RNF19A: variants seen among roughly 807,000 people sequenced by gnomAD.
RNF19A encodes E3 ubiquitin-protein ligase RNF19A.
RNF19A carries 32 observed loss-of-function variants against 75.7 expected under a neutral mutation model. The observed-to-expected ratio is 0.42, with a 90% CI of 0.32 to 0.57. The LOEUF (loss-of-function observed/expected upper bound fraction) is 0.57, where lower values mean the gene tolerates loss of function less well. Among genes scored for constraint, RNF19A ranks in the 20% least tolerant of loss-of-function variants. RNF19A has a pLI of 0.10. For missense variants in RNF19A, 782 were observed against 1,036.3 expected (o/e 0.75, Z 3.37); for synonymous variants, 335 against 345.2 (o/e 0.97, Z 0.33).
intron 1 of RNF19A, among the ~76,000 whole-genome samples, chr8:100,328,292 T>C (rs889529430): frequency 2.0e-5 from 3 of 152,140 alleles, no homozygotes; most frequent in Admixed American, 2.0e-4. Context: ...CTGAGACTCA[T>C]TGAGTCAAAA....
At chr8:100,267,534 T>A (rs183022236) in intron 5 of RNF19A, among the ~76,000 whole-genome samples, 1 of 152,216 alleles carries the variant, frequency 6.6e-6, no homozygotes, top group Admixed American at 6.5e-5. Flanking sequence ...CATACCCAGA[T>A]AATTTTTAAA....
At position 100,269,400 on chromosome 8, in the gene RNF19A, T is replaced by C. The variant is rs1273595832; in HGVS notation, c.1029-453A>G. Among the ~76,000 whole-genome samples, 2 of 151,816 alleles carry C rather than the reference T, an allele frequency of 1.3e-5. No individual in the cohort carries two copies. The highest frequency in any genetic ancestry group is 2.1e-4 in the South Asian group (1 of 4,810). On this transcript the variant is annotated intron_variant, in intron 4 of 9. Transcript: ENST00000341084. This position sits in a 1 kb window ranked among gnomAD's most constrained non-coding sequence, Gnocchi z 5.7. ...AAGGTAAGAACCACTGTAAATTATATTAACAAGATACTGATAACTGAGATT... is the reference window on the plus strand; with the variant it reads ...AAGGTAAGAACCACTGTAAATTATACTAACAAGATACTGATAACTGAGATT...
intron 5 of RNF19A, among the ~76,000 whole-genome samples, chr8:100,267,828 C>T (rs1055838363): frequency 1.3e-5 from 2 of 151,784 alleles, no homozygotes; most frequent in South Asian, 2.1e-4. Context: ...GCACCTGCCA[C>T]CATGCCTGGC....
chr8:100,326,560 C>T (rs750484656), intron 1 of RNF19A, among the ~76,000 whole-genome samples: 4 of 152,280 alleles, frequency 2.6e-5, no homozygotes, highest in Middle Eastern at 3.4e-3. Flanking sequence ...ACCCCTCCCC[C>T]TTTCCTGCTT....
chr8:100,259,220 A>T lies in RNF19A; in HGVS notation c.1853T>A (p.Val618Glu). ...TTTGGATGGCTTTGACTCAATATCT[A>T]CTTGCACCTCCATACTGTTGCCTTC... ...DKEGNSMEVQ[V>E]DIESKPSKFR... Residue 618 changes from valine (V) to glutamate (E), a missense_variant, in exon 10 of 10, where the codon GTA (valine) becomes GAA (glutamate). Physicochemically the swap from Val to Glu is moderately radical, Grantham distance 121. Coordinates refer to ENST00000341084, the MANE Select transcript of RNF19A (RefSeq NM_183419.4). This position sits in a 1 kb window ranked among gnomAD's most constrained non-coding sequence, Gnocchi z 4.5. The T allele has an allele frequency of 6.2e-7, 1 of 1,612,898 alleles. No individual in the cohort carries two copies.
At chr8:100,277,145 C>G (rs1336815435) in intron 2 of RNF19A, among the ~76,000 whole-genome samples, 1 of 152,270 alleles carries the variant, frequency 6.6e-6, no homozygotes, top group East Asian at 1.9e-4. Context: ...AAATACTAAA[C>G]ATTTCCTTTT....
chr8:100,324,138 A>G lies in RNF19A; in HGVS notation c.-242-10766T>C, dbSNP rs1395315073. Among the ~76,000 whole-genome samples, 1 of 152,216 alleles carries G rather than the reference A, an allele frequency of 6.6e-6. No individual in the cohort carries two copies. The highest frequency in any genetic ancestry group is 2.4e-5 in the African/African-American group (1 of 41,452). On this transcript the variant is annotated intron_variant, in intron 1 of 3. Coordinates refer to the RNF19A transcript ENST00000519527. This position sits in a 1 kb window ranked among gnomAD's most constrained non-coding sequence, Gnocchi z 4.2. Reference sequence around the variant, plus strand: ...ATTCCCACACACTGAAGCTGCTACTATAATTTATTTTTTACAGCGGAGGAA... The same window carrying G: ...ATTCCCACACACTGAAGCTGCTACTGTAATTTATTTTTTACAGCGGAGGAA...
At chr8:100,309,254 G>A (rs989022005) in intron 1 of RNF19A, 2 of 938,034 alleles carry the variant, frequency 2.1e-6, no homozygotes, top group African/African-American at 3.5e-5. Context: ...GGTGTGATGT[G>A]TAATTTTTGC....
Position 100,264,641 on chromosome 8 carries a change from G to A in RNF19A, c.1306+30C>T, listed in dbSNP as rs1204770099. ...AAAACTTTAACTCCATAAAATTGTA[G>A]GTAATTAGTACTTTTCAGCATTTTC... On this transcript the variant is annotated intron_variant, in intron 6 of 9. Transcript: ENST00000341084. The surrounding 1 kb of genome is among the most constrained non-coding windows in gnomAD (Gnocchi z 4.7). 1.0e-5 allele frequency: 14 copies of A among 1,368,492 alleles called. No homozygotes were observed. Among genetic ancestry groups the A allele is most frequent in the Non-Finnish European group, 1.2e-5 (12 of 972,800 alleles). 84.8% of individuals were successfully genotyped at this position (1,368,492 alleles called of 1,614,324 possible). A position where few individuals can be genotyped will look rare whatever the true frequency, so the allele number is the denominator to read the frequency against.
chr8:100,274,976 T>C lies in RNF19A; in HGVS notation c.860A>G (p.Tyr287Cys), dbSNP rs527598535. The C allele has an allele frequency of 6.2e-7, 1 of 1,614,008 alleles. No homozygotes were observed. Among genetic ancestry groups the C allele is most frequent in the South Asian group, 1.1e-5 (1 of 91,056 alleles). The change falls in exon 3 of 10, where the codon TAT (tyrosine) becomes TGT (cysteine). Residue 287 changes from tyrosine (Y) to cysteine (C), a missense_variant. Tyr to Cys is a radical substitution (Grantham distance 194, BLOSUM62 -2). Transcript: ENST00000341084. ...LRTIRSSSIS[Y>C]SQESGAAADD... ...ACCTGCTGCTCCAGACTCTTGACTA[T>C]AACTAATGGATGAAGAACGTATAGT... is the stretch of plus-strand genomic sequence containing the variant.
chr8:100,301,890 G>C (rs1254905022), intron 1 of RNF19A, among the ~76,000 whole-genome samples: 2 of 152,316 alleles, frequency 1.3e-5, no homozygotes, highest in Middle Eastern at 3.4e-3. Flanking sequence ...GCATTTAGCA[G>C]AGACCTGAAG....
At chr8:100,308,139 C>T (rs1238981440) in intron 1 of RNF19A, among the ~76,000 whole-genome samples, 1 of 152,110 alleles carries the variant, frequency 6.6e-6, no homozygotes, top group Non-Finnish European at 1.5e-5. Context: ...CTGGAATCTC[C>T]TGGAAGCTAA....
At position 100,258,726 on chromosome 8, in the gene RNF19A, T is replaced by C. The variant is rs745664613; in HGVS notation, c.2347A>G (p.Thr783Ala). ...TGTGAAACTTCTGAACAGGAAGCAG[T>C]TTGGGTAACCACAGAAATGCTACAC... ...HQCSISVVTQ[T>A]ASCSEVSQLN... The change falls in exon 10 of 10, where the codon ACT becomes GCT. Residue 783 changes from threonine (T) to alanine (A), a missense_variant. By Grantham distance (58) the Thr-to-Ala change is moderately conservative. Around this residue, in one of 7 missense-constraint regions of RNF19A, gnomAD observed 442 missense variants for 541.6 expected, o/e 0.82. Coordinates refer to ENST00000341084, the MANE Select transcript of RNF19A (RefSeq NM_183419.4). The surrounding 1 kb of genome is among the most constrained non-coding windows in gnomAD (Gnocchi z 4.3). 6.2e-7 allele frequency: 1 copy of C among 1,614,216 alleles called. No individual in the cohort carries two copies. Among genetic ancestry groups the C allele is most frequent in the Non-Finnish European group, 8.5e-7 (1 of 1,180,034 alleles).
Position 100,257,369 on chromosome 8 carries a change from G to C in RNF19A, c.*1187C>G, listed in dbSNP as rs1011447080. ...GAGGTTAACCTGCTTTTATTTAAGT[G>C]AATTATACAGGAAATTAACAGTACA... is the stretch of plus-strand genomic sequence containing the variant. On this transcript the variant is annotated 3_prime_UTR_variant, in exon 10 of 10. Transcript: ENST00000341084. 2 of 152,480 alleles carry C rather than the reference G, an allele frequency of 1.3e-5. No homozygotes were observed. The highest frequency in any genetic ancestry group is 2.1e-4 in the South Asian group (1 of 4,824). The allele number at this position is 152,480 out of a possible 1,614,324, so 9.4% of individuals were successfully genotyped here.
At chr8:100,262,601 G>C (rs1819773624) in intron 7 of RNF19A, among the ~76,000 whole-genome samples, 1 of 152,152 alleles carries the variant, frequency 6.6e-6, no homozygotes, top group African/African-American at 2.4e-5. Context: ...CTATGATAAG[G>C]ACTTTGGATT....
chr8:100,310,097 A>G (rs539066417), upstream of RNF19A: 180 of 985,210 alleles, frequency 1.8e-4, no homozygotes, highest in Middle Eastern at 1.0e-3. Context: ...CGCCGCAACT[A>G]CCACCTCCCC....
At chr8:100,272,324 T>G (rs2132546367) in intron 3 of RNF19A, among the ~76,000 whole-genome samples, 1 of 152,200 alleles carries the variant, frequency 6.6e-6, no homozygotes, top group East Asian at 1.9e-4. Context: ...ACACAAATAT[T>G]AATGTACTTT....
intron 1 of RNF19A, among the ~76,000 whole-genome samples, chr8:100,326,859 G>T (rs904929460): frequency 6.6e-6 from 1 of 152,338 alleles, no homozygotes; most frequent in Middle Eastern, 3.4e-3. Flanking sequence ...TTTGCTAATA[G>T]TTTCTAACTC....
chr8:100,312,320 T>C (rs1006701542), upstream of RNF19A: 1 of 152,266 alleles, frequency 6.6e-6, no homozygotes, highest in South Asian at 2.1e-4. Flanking sequence ...ACTCCCCAAG[T>C]GTGCTGGGCA....
Sources: allele counts gnomAD v4.1 joint callset (sites outside exome capture counted in the v4.1 genomes callset), GRCh38; gene constraint gnomAD v4.1.1; regional missense constraint gnomAD v4.1.1; non-coding constraint Gnocchi (gnomAD v3.1); transcripts MANE v1.5; gene names NCBI Gene and HGNC (gene_info 2026-07-23, HGNC 2026-07-21).